TTC7B: variants seen among roughly 807,000 people sequenced by gnomAD.
TTC7B encodes the protein tetratricopeptide repeat domain 7B.
Under a neutral mutation model 106.8 loss-of-function variants are expected in TTC7B, and 28 were observed. That is an observed-to-expected ratio of 0.26 (90% confidence interval 0.19 to 0.36). TTC7B has a LOEUF of 0.36. Ranked by LOEUF, TTC7B falls within the 10% of genes least tolerant of loss-of-function variation. The probability of loss-of-function intolerance (pLI) is 1.00; values close to 1 mark genes in which losing one functional copy is unlikely to be tolerated. For synonymous variants in TTC7B, 405 were observed against 430.6 expected (o/e 0.94, Z 0.74); for missense variants, 862 against 1,076.4 (o/e 0.80, Z 2.79).
At chr14:90,774,537 C>A (rs565937562) in intron 3 of TTC7B, among the ~76,000 whole-genome samples, 1 of 152,302 alleles carries the variant, frequency 6.6e-6, no homozygotes, top group African/African-American at 2.4e-5. Flanking sequence ...TTGCACTGCC[C>A]CCTCCACCCC....
rs1892742511 is a variant in TTC7B, at chr14:90,608,489, T to C, written c.1966+2253A>G. Among the ~76,000 whole-genome samples, 1 of 152,044 alleles carries C rather than the reference T, an allele frequency of 6.6e-6. No homozygotes were observed. Among genetic ancestry groups the C allele is most frequent in the African/African-American group, 2.4e-5 (1 of 41,364 alleles). On this transcript the variant is annotated intron_variant, in intron 17 of 19. Transcript: ENST00000328459. This position sits in a 1 kb window ranked among gnomAD's most constrained non-coding sequence, Gnocchi z 5.1. ...AGTGCCTGGGAGGCTGTGGCTTCCC[T>C]GTTGTTGAGGAAGGGCATAGGAGCC...
intron 3 of TTC7B, among the ~76,000 whole-genome samples, chr14:90,753,436 G>A (rs1330789314): frequency 9.9e-5 from 15 of 152,258 alleles, no homozygotes. Flanking sequence ...AGAGATTCAA[G>A]AGACACAAAG....
intron 1 of TTC7B, among the ~76,000 whole-genome samples, chr14:90,790,720 T>TG (rs1891559465): frequency 6.6e-6 from 1 of 151,960 alleles, no homozygotes; most frequent in Admixed American, 6.6e-5. Flanking sequence ...ATTCTAGCTG[T>TG]GGGGGCACAT....
chr14:90,734,187 G>T, intron 4 of TTC7B, among the ~76,000 whole-genome samples: 1 of 152,140 alleles, frequency 6.6e-6, no homozygotes, highest in East Asian at 1.9e-4. Context: ...GGGAGGCTGA[G>T]GTGGGTGGAT....
chr14:90,729,348 C>T (rs1595329442), intron 5 of TTC7B, among the ~76,000 whole-genome samples: 1 of 152,200 alleles, frequency 6.6e-6, no homozygotes, highest in Non-Finnish European at 1.5e-5. Flanking sequence ...CAAAGCACTA[C>T]TGGACTACTC....
intron 17 of TTC7B, among the ~76,000 whole-genome samples, chr14:90,601,016 T>C (rs183870639): frequency 2.0e-5 from 3 of 152,322 alleles, no homozygotes; most frequent in Admixed American, 2.0e-4. Flanking sequence ...GATATTCTAA[T>C]GCTGGACACA....
At chr14:90,737,532 T>C (rs1162840846) in intron 4 of TTC7B, among the ~76,000 whole-genome samples, 1 of 150,352 alleles carries the variant, frequency 6.7e-6, no homozygotes, top group Non-Finnish European at 1.5e-5. Context: ...AAAGATCATA[T>C]ATTGTATGAT....
chr14:90,761,299 C>A (rs936155734), intron 3 of TTC7B, among the ~76,000 whole-genome samples: 1 of 152,222 alleles, frequency 6.6e-6, no homozygotes, highest in Admixed American at 6.5e-5. Context: ...CAGATAACAT[C>A]ACTACTGTAG....
chr14:90,607,222 A>C (rs1474709271), intron 17 of TTC7B, among the ~76,000 whole-genome samples: 1 of 152,212 alleles, frequency 6.6e-6, no homozygotes, highest in Non-Finnish European at 1.5e-5. Context: ...CAGATCCAAG[A>C]GGACTTGCGG....
At chr14:90,557,466 G>C (rs937921265) in intron 19 of TTC7B, among the ~76,000 whole-genome samples, 4 of 152,232 alleles carry the variant, frequency 2.6e-5, no homozygotes, top group African/African-American at 9.6e-5. Context: ...TCTGGGGTTT[G>C]ATGAAATCTT....
chr14:90,576,007 G>A (rs758864194), intron 19 of TTC7B, among the ~76,000 whole-genome samples: 1 of 152,016 alleles, frequency 6.6e-6, no homozygotes, highest in African/African-American at 2.4e-5. Flanking sequence ...CCCTCGTGCT[G>A]GGTCAACTGC....
chr14:90,526,259 T>G lies in TTC7B; in HGVS notation c.*15109A>C, dbSNP rs1474926435. ...GGTGGTATCTCTTGGAGTTTTGACT[T>G]GCATTTCCCTAGTGAGTAATGATGT... On this transcript the variant is annotated 3_prime_UTR_variant, in exon 20 of 20. Coordinates refer to ENST00000328459, the MANE Select transcript of TTC7B (RefSeq NM_001010854.2). 6.6e-6 allele frequency: 1 copy of G among 152,236 alleles called. No individual in the cohort carries two copies. Among genetic ancestry groups the G allele is most frequent in the Non-Finnish European group, 1.5e-5 (1 of 68,040 alleles). The allele number at this position is 152,236 out of a possible 1,614,324, so 9.4% of individuals were successfully genotyped here. A position where few individuals can be genotyped will look rare whatever the true frequency, so the allele number is the denominator to read the frequency against.
chr14:90,637,406 C>G (rs994135312), intron 15 of TTC7B, among the ~76,000 whole-genome samples: 1 of 2,050 alleles, frequency 4.9e-4, no homozygotes, highest in Non-Finnish European at 9.9e-4. Context: ...AGAGAAAAAC[C>G]CCCCCCCAGC....
At chr14:90,738,301 C>G (rs150694419) in intron 4 of TTC7B, among the ~76,000 whole-genome samples, 111 of 152,240 alleles carry the variant, frequency 7.3e-4, no homozygotes, top group African/African-American at 2.5e-3. Flanking sequence ...CTCTCCCATA[C>G]AGCCATAGGT....
chr14:90,811,975 C>G lies in TTC7B; in HGVS notation c.121+4200G>C, dbSNP rs181194606. Among the ~76,000 whole-genome samples, 10 of 152,322 alleles carry G rather than the reference C, an allele frequency of 6.6e-5. No homozygotes were observed. The East Asian group carries it at 1.4e-3, about 21-fold the overall frequency. On this transcript the variant is annotated intron_variant, in intron 1 of 19. Coordinates refer to ENST00000328459, the MANE Select transcript of TTC7B (RefSeq NM_001010854.2). ...GGGCACTAGCTCAACTGTGTCATTTCTTGGTCCCCCACTCTCTTTTTTCCC... is the reference window on the plus strand; with the variant it reads ...GGGCACTAGCTCAACTGTGTCATTTGTTGGTCCCCCACTCTCTTTTTTCCC...
chr14:90,627,198 C>G (rs763120659), intron 15 of TTC7B, among the ~76,000 whole-genome samples: 3 of 152,082 alleles, frequency 2.0e-5, no homozygotes, highest in Non-Finnish European at 4.4e-5. Flanking sequence ...GTTGCCCAGC[C>G]TGTTCTTGAA....
chr14:90,707,384 C>T (rs1888253881), intron 5 of TTC7B, among the ~76,000 whole-genome samples: 1 of 152,298 alleles, frequency 6.6e-6, no homozygotes, highest in Non-Finnish European at 1.5e-5. Flanking sequence ...GGCCAATTAA[C>T]AACCCTACAA....
At chr14:90,554,847 T>C (rs967657802) in intron 19 of TTC7B, among the ~76,000 whole-genome samples, 4 of 152,370 alleles carry the variant, frequency 2.6e-5, no homozygotes, top group South Asian at 2.1e-4. Context: ...AAACTTCAAA[T>C]AGGATCTGAT....
chr14:90,806,297 G>A (rs988522221), intron 1 of TTC7B, among the ~76,000 whole-genome samples: 6 of 152,330 alleles, frequency 3.9e-5, no homozygotes, highest in African/African-American at 1.2e-4. Flanking sequence ...TCTGGCAGCC[G>A]TGGGCTGAAG....
Sources: gnomAD v4.1 joint callset for allele counts (sites outside exome capture counted in the v4.1 genomes callset) on GRCh38, gnomAD v4.1.1 for gene constraint, Gnocchi (gnomAD v3.1) non-coding constraint, MANE v1.5 for transcripts, NCBI Gene and HGNC (gene_info 2026-07-23, HGNC 2026-07-21) for gene names.